The following TOX variants were observed in gnomAD, a reference collection of about 807,000 sequenced individuals.
TOX encodes thymocyte selection associated high mobility group box, also known as thymocyte selection-associated high mobility group box protein TOX.
In TOX, 11 loss-of-function variants were observed where a neutral mutation model predicts 53.7. That is an observed-to-expected ratio of 0.20 (90% CI 0.13 to 0.34). The LOEUF is 0.34. Among genes scored for constraint, TOX ranks in the 10% least tolerant of loss-of-function variants. The pLI, the probability that TOX is intolerant of heterozygous loss-of-function variation, is 1.00. For synonymous variants in TOX, 225 were observed against 245.3 expected (o/e 0.92, Z 0.77); for missense variants, 570 against 664.6 (o/e 0.86, Z 1.56).
intron 3 of TOX, among the ~76,000 whole-genome samples, chr8:58,871,180 A>G (rs1477470079): frequency 6.6e-6 from 1 of 151,694 alleles, no homozygotes; most frequent in Non-Finnish European, 1.5e-5. Flanking sequence ...GTCAAAAAAA[A>G]AAAAAAAAAA....
chr8:58,978,420 T>C (rs1229866467), intron 1 of TOX, among the ~76,000 whole-genome samples: 2 of 152,208 alleles, frequency 1.3e-5, no homozygotes, highest in Non-Finnish European at 2.9e-5. Flanking sequence ...CCTCGTATGC[T>C]TCTGGGACCC....
intron 3 of TOX, among the ~76,000 whole-genome samples, chr8:58,912,574 A>G (rs66954327): frequency 0.3 from 45,023 of 152,114 alleles, 7,006 homozygotes; most frequent in East Asian, 0.41. Flanking sequence ...GGTCCCAACA[A>G]CCAGAATTTC....
intron 2 of TOX, among the ~76,000 whole-genome samples, chr8:58,950,308 T>C (rs1812600743): frequency 2.6e-5 from 4 of 152,346 alleles, no homozygotes; most frequent in Middle Eastern, 6.8e-3. Flanking sequence ...TTTTGTCTCT[T>C]GAGTAGAAAT....
chr8:59,104,349 C>G (rs374251557), intron 1 of TOX, among the ~76,000 whole-genome samples: 1 of 152,128 alleles, frequency 6.6e-6, no homozygotes, highest in African/African-American at 2.4e-5. Flanking sequence ...CTCCCACTAC[C>G]GAAACCCCAG....
intron 1 of TOX, among the ~76,000 whole-genome samples, chr8:58,998,944 T>C (rs1442309842): frequency 6.6e-6 from 1 of 152,144 alleles, no homozygotes; most frequent in African/African-American, 2.4e-5. Context: ...ATTTTATTAA[T>C]TCAGTTCAAT....
intron 2 of TOX, among the ~76,000 whole-genome samples, chr8:58,943,745 C>A (rs1466343178): frequency 6.6e-6 from 1 of 151,832 alleles, no homozygotes; most frequent in East Asian, 1.9e-4. Context: ...AAGGTGGTAT[C>A]ATCTTCTTCA....
At chr8:58,953,492 T>C (rs1007930443) in intron 2 of TOX, among the ~76,000 whole-genome samples, 1 of 152,190 alleles carries the variant, frequency 6.6e-6, no homozygotes. Flanking sequence ...CTTAATTAGG[T>C]GGCCTATTTT....
chr8:58,906,723 T>A (rs1479592780), intron 3 of TOX, among the ~76,000 whole-genome samples: 1 of 152,212 alleles, frequency 6.6e-6, no homozygotes, highest in African/African-American at 2.4e-5. Flanking sequence ...ATTTTTTTTC[T>A]CCATCTCAGT....
In TOX at chr8:58,826,711, A is replaced by G. The variant is rs1810372896; in HGVS notation, c.1005+111T>C. 4 of 919,382 alleles carry G rather than the reference A, an allele frequency of 4.4e-6. No individual in the cohort carries two copies. In the South Asian group the frequency reaches 9.0e-5, roughly 21 times the overall value. The allele number at this position is 919,382 out of a possible 1,614,324, so 57.0% of individuals were successfully genotyped here. The stretch of plus-strand genomic sequence containing the variant: ...TTTGTAATTTACTTTTTTTTCCAAC[A>G]AAGAAGATTGTGCAGAATCGTTAAA... On this transcript the variant is annotated intron_variant, in intron 6 of 8. Coordinates refer to ENST00000361421, the MANE Select transcript of TOX (RefSeq NM_014729.3).
intron 1 of TOX, among the ~76,000 whole-genome samples, chr8:59,012,274 T>C (rs1813921129): frequency 6.6e-6 from 1 of 152,102 alleles, no homozygotes; most frequent in South Asian, 2.1e-4. Context: ...AGTCAGATGA[T>C]ATGTTTGTAG....
chr8:59,091,588 TAAA>T (rs973156343), intron 1 of TOX, among the ~76,000 whole-genome samples: 1 of 152,170 alleles, frequency 6.6e-6, no homozygotes, highest in Non-Finnish European at 1.5e-5. Flanking sequence ...ACCTCATCTG[TAAA>T]ATGGGTTTCA....
rs1287611649 is a variant in TOX, at chr8:58,939,382, G to C, written c.331C>G (p.Gln111Glu). The C allele has an allele frequency of 6.2e-7, 1 of 1,614,124 alleles. No individual in the cohort carries two copies. Among genetic ancestry groups the C allele is most frequent in the African/African-American group, 1.3e-5 (1 of 75,036 alleles). Residue 111 changes from glutamine to glutamate, a missense_variant, in exon 3 of 9, where the codon CAA (glutamine) becomes GAA (glutamate). Coordinates refer to ENST00000361421, the MANE Select transcript of TOX (RefSeq NM_014729.3). ...GTGATTTCAGGGAGGTCCATGTTTTGTGGATGAAATGGTAGCAGGCCATTA... is the reference window on the plus strand; with the variant it reads ...GTGATTTCAGGGAGGTCCATGTTTTCTGGATGAAATGGTAGCAGGCCATTA... ...NHNGLLPFHP[Q>E]NMDLPEITVS... is the part of the protein sequence containing the mutation.
chr8:58,958,352 G>A (rs896772947), intron 2 of TOX, among the ~76,000 whole-genome samples: 3 of 152,058 alleles, frequency 2.0e-5, no homozygotes, highest in African/African-American at 4.8e-5. Flanking sequence ...TCTTTAAGAC[G>A]GACATAATGA....
intron 1 of TOX, among the ~76,000 whole-genome samples, chr8:59,097,633 T>C (rs1804734778): frequency 1.3e-5 from 2 of 152,200 alleles, no homozygotes; most frequent in Non-Finnish European, 2.9e-5. Flanking sequence ...AAAATCCATC[T>C]GTATAACTCA....
intron 1 of TOX, among the ~76,000 whole-genome samples, chr8:59,106,363 G>A (rs544834393): frequency 7.5e-4 from 114 of 152,126 alleles, no homozygotes; most frequent in Non-Finnish European, 1.4e-3. Context: ...AGTGCCATAA[G>A]AAAAATATGT....
intron 1 of TOX, among the ~76,000 whole-genome samples, chr8:59,060,823 C>G (rs906099585): frequency 2.0e-5 from 3 of 152,150 alleles, no homozygotes; most frequent in Non-Finnish European, 4.4e-5. Context: ...CCAGGGCTGA[C>G]AGAGACTGAC....
chr8:59,007,846 C>T (rs1813820307), intron 1 of TOX, among the ~76,000 whole-genome samples: 1 of 152,182 alleles, frequency 6.6e-6, no homozygotes, highest in Non-Finnish European at 1.5e-5. Context: ...ATGGGACAGT[C>T]AACTTTGGGG....
chr8:58,868,118 T>C lies in TOX; in HGVS notation c.412-16313A>G, dbSNP rs1811133597. 2.0e-5 allele frequency among the ~76,000 whole-genome samples: 3 copies of C among 152,284 alleles called. No individual in the cohort carries two copies. In the South Asian group the frequency reaches 6.2e-4, roughly 32 times the overall value. ...GATAGTGAATAAGTCTCATGAGGTC[T>C]GATGGTTTTATAAAGGGCAGTTCCT... is the stretch of plus-strand genomic sequence containing the variant. On this transcript the variant is annotated intron_variant, in intron 3 of 8. Coordinates refer to ENST00000361421, the MANE Select transcript of TOX (RefSeq NM_014729.3).
At chr8:58,860,733 A>G (rs1367941678) in intron 3 of TOX, among the ~76,000 whole-genome samples, 2 of 152,194 alleles carry the variant, frequency 1.3e-5, no homozygotes, top group African/African-American at 4.8e-5. Flanking sequence ...GGTTTCACTG[A>G]GAGAAAGTCA....
Sources: allele counts gnomAD v4.1 joint callset (sites outside exome capture counted in the v4.1 genomes callset), GRCh38; gene constraint gnomAD v4.1.1; transcripts MANE v1.5; gene names NCBI Gene and HGNC (gene_info 2026-07-23, HGNC 2026-07-21).